COG3: variants seen among roughly 807,000 people sequenced by gnomAD.
The protein encoded by COG3 is component of oligomeric golgi complex 3.
COG3 carries 32 observed loss-of-function variants against 114.1 expected under a neutral mutation model. The ratio of observed to expected loss-of-function variants is 0.28; its 90% CI spans 0.21 to 0.38. The LOEUF (loss-of-function observed/expected upper bound fraction) is 0.38, where lower values mean the gene tolerates loss of function less well. Ranked by LOEUF, COG3 falls within the 10% of genes least tolerant of loss-of-function variation. The pLI is 1.00. For synonymous variants in COG3, 352 were observed against 365.7 expected, an observed-to-expected ratio of 0.96 and a Z score of 0.43; for missense variants, 813 against 973.2, an observed-to-expected ratio of 0.84 and a Z score of 2.19.
chr13:45,518,969 G>C lies in COG3; in HGVS notation c.2029G>C (p.Glu677Gln). 6.2e-7 allele frequency: 1 copy of C among 1,614,076 alleles called. No individual in the cohort carries two copies. The highest frequency in any genetic ancestry group is 8.5e-7 in the Non-Finnish European group (1 of 1,179,970). The change falls in exon 19 of 23, where the codon GAG becomes CAG. Residue 677 changes from glutamate to glutamine, a missense_variant. Transcript: ENST00000349995. ...LIEFLLEGTP[E>Q]IREHYLDSKK... ...TTATCTTCTTTTTAAGGGTACTCCT[G>C]AGATAAGAGAACATTATCTTGACTC... is the stretch of plus-strand genomic sequence containing the variant.
In COG3 at chr13:45,529,800, A is replaced by G. The variant is rs2274285; in HGVS notation, c.2240A>G (p.Asn747Ser). 0.75 allele frequency: 1,200,034 copies of G among 1,608,056 alleles called. 451,588 individuals are homozygous for G. Among genetic ancestry groups the G allele is most frequent in the Admixed American group, 0.84 (50,392 of 59,728 alleles). ...GTTACTTTATTTCCAGCAAAGGTCA[A>G]TGACCTTGCGGCAACTGCATATAAG... The part of the protein sequence containing the change: ...QQPWAQPAKV[N>S]DLAATAYKTI... Residue 747 changes from asparagine (N) to serine (S), a missense_variant, in exon 21 of 23, where the codon AAT (asparagine) becomes AGT (serine). This residue lies in a region of COG3 where 389 missense variants were observed against 542.6 expected (regional missense o/e 0.72). Transcript: ENST00000349995.
chr13:45,505,616 C>CT (rs1298976415), intron 14 of COG3, among the ~76,000 whole-genome samples: 1 of 149,972 alleles, frequency 6.7e-6, no homozygotes, highest in Non-Finnish European at 1.5e-5. Flanking sequence ...ATCCTGCTTT[C>CT]TTTTTACTTT....
Position 45,483,149 on chromosome 13 carries a change from G to T in COG3, c.718-81G>T, listed in dbSNP as rs1047514388. 13 of 983,634 alleles carry T rather than the reference G, an allele frequency of 1.3e-5. No individual in the cohort carries two copies. The African/African-American group carries it at 2.0e-4, about 15-fold the overall frequency. The allele number at this position is 983,634 out of a possible 1,614,324, so 60.9% of individuals were successfully genotyped here. A position where few individuals can be genotyped will look rare whatever the true frequency, so the allele number is the denominator to read the frequency against. ...TGAACTTTATATATTGCTTTACATA[G>T]GGACACCTTGGTTTTCACTAAAAGC... On this transcript the variant is annotated intron_variant, in intron 6 of 22. Transcript: ENST00000349995.
chr13:45,473,697 C>T (rs1050096290), intron 1 of COG3, among the ~76,000 whole-genome samples: 17 of 152,192 alleles, frequency 1.1e-4, no homozygotes, highest in Non-Finnish European at 2.1e-4. Context: ...AAGTGCTTTA[C>T]ATGCAGCATT....
intron 19 of COG3, among the ~76,000 whole-genome samples, chr13:45,523,700 G>A (rs549353898): frequency 1.3e-5 from 2 of 152,290 alleles, no homozygotes; most frequent in Non-Finnish European, 2.9e-5. Context: ...AGCAATCAGT[G>A]CAACAGTAGG....
chr13:45,532,391 ATTTAAT>A (rs1197038079), intron 22 of COG3, among the ~76,000 whole-genome samples: 5 of 151,374 alleles, frequency 3.3e-5, no homozygotes, highest in Non-Finnish European at 7.4e-5. Flanking sequence ...TTCTATTTTG[ATTTAAT>A]TTTGTTTCTT....
chr13:45,471,444 TC>T (rs986154661), intron 1 of COG3, among the ~76,000 whole-genome samples: 5 of 152,062 alleles, frequency 3.3e-5, no homozygotes, highest in African/African-American at 1.2e-4. Flanking sequence ...ACAGTATTCT[TC>T]CATTTCTTCC....
chr13:45,518,203 A>G (rs935244819), intron 17 of COG3, among the ~76,000 whole-genome samples: 16 of 152,202 alleles, frequency 1.1e-4, no homozygotes, highest in African/African-American at 3.9e-4. Flanking sequence ...AATACTTGCT[A>G]TCTTTACTTT....
intron 2 of COG3, 69 bp downstream of exon 2, chr13:45,476,416 C>A: frequency 1.4e-6 from 2 of 1,461,214 alleles, no homozygotes; most frequent in East Asian, 2.3e-5. Context: ...CTAATAAAGT[C>A]CTAATTAAAA....
chr13:45,530,625 T>C, intron 21 of COG3, 57 bp from the exon 22 acceptor site: 1 of 1,012,068 alleles, frequency 9.9e-7, no homozygotes, highest in East Asian at 2.4e-5. Flanking sequence ...TTAACATTCA[T>C]GGTGCTTCGT....
intron 16 of COG3, among the ~76,000 whole-genome samples, chr13:45,512,976 A>T (rs1428064500): frequency 1.9e-5 from 2 of 105,014 alleles, no homozygotes; most frequent in African/African-American, 3.6e-5. Context: ...TGCTTCTCCC[A>T]CAGACCCTGA....
chr13:45,478,750 A>G (rs1314415193), intron 2 of COG3, among the ~76,000 whole-genome samples: 1 of 152,196 alleles, frequency 6.6e-6, no homozygotes, highest in African/African-American at 2.4e-5. Context: ...CGGCCTCCCA[A>G]AGTGCTGGGA....
chr13:45,524,070 G>C (rs1319826649), intron 19 of COG3, among the ~76,000 whole-genome samples: 1 of 152,080 alleles, frequency 6.6e-6, no homozygotes, highest in African/African-American at 2.4e-5. Flanking sequence ...TAGAAATAAA[G>C]GGGAGGCTGA....
At chr13:45,525,203 G>T (rs1429726395) in intron 20 of COG3, 152 bp downstream of exon 20, 2 of 560,342 alleles carry the variant, frequency 3.6e-6, no homozygotes, top group Non-Finnish European at 6.2e-6. Context: ...GAGCTGACAG[G>T]TCTTAATTGG....
intron 19 of COG3, among the ~76,000 whole-genome samples, chr13:45,520,678 G>A (rs2985982): frequency 0.75 from 113,999 of 152,162 alleles, 43,571 homozygotes; most frequent in Admixed American, 0.83. Context: ...ATTTTATTCC[G>A]AGTATTTGCA....
rs1176539929 is a variant in COG3 at position 45,465,109 on chromosome 13, T to C, written c.73T>C (p.Trp25Arg). ...ERDAREKLAL[W>R]DRRPDTTAPL... ...GGACGCTAGGGAAAAGCTGGCTCTC[T>C]GGGATCGGAGACCGGACACGACGGC... Residue 25 changes from tryptophan (W) to arginine (R), a missense_variant, in exon 1 of 23, where the codon TGG (tryptophan) becomes CGG (arginine). Trp to Arg is a moderately radical substitution (Grantham distance 101). Coordinates refer to ENST00000349995, the MANE Select transcript of COG3 (RefSeq NM_031431.4). 1.2e-6 allele frequency: 2 copies of C among 1,612,824 alleles called. No individual in the cohort carries two copies. Among genetic ancestry groups the C allele is most frequent in the South Asian group, 2.2e-5 (2 of 91,050 alleles).
At position 45,465,179 on chromosome 13, in the gene COG3, C is replaced by A; in HGVS notation, c.143C>A (p.Ala48Glu). 2 of 1,613,652 alleles carry A rather than the reference C, an allele frequency of 1.2e-6. No homozygotes were observed. The highest frequency in any genetic ancestry group is 1.7e-6 in the Non-Finnish European group (2 of 1,179,886). ...ACGGACTCGGTATTGGAGCTGAAGG[C>A]GGCGGCAGAGAACTTGCCGGTGCCA... ...RQTDSVLELKAAAENLPVPAE... is the reference protein window; with the variant it reads ...RQTDSVLELKEAAENLPVPAE... Residue 48 changes from alanine to glutamate, a missense_variant, in exon 1 of 23, where the codon GCG (alanine) becomes GAG (glutamate). Physicochemically the swap from Ala to Glu is moderately radical, Grantham distance 107. Coordinates refer to ENST00000349995, the MANE Select transcript of COG3 (RefSeq NM_031431.4).
At chr13:45,514,642 G>A (rs1463178330) in intron 16 of COG3, among the ~76,000 whole-genome samples, 1 of 151,892 alleles carries the variant, frequency 6.6e-6, no homozygotes, top group African/African-American at 2.4e-5. Context: ...GGTTGAGCTT[G>A]TGTACTTTTT....
At chr13:45,502,554 T>G (rs913118010) in intron 13 of COG3, among the ~76,000 whole-genome samples, 14 of 152,216 alleles carry the variant, frequency 9.2e-5, no homozygotes, top group African/African-American at 3.4e-4. Flanking sequence ...CTTTCCAATT[T>G]CTGCACGTGG....
Sources: gnomAD v4.1 joint callset for allele counts (sites outside exome capture counted in the v4.1 genomes callset) on GRCh38, gnomAD v4.1.1 for gene constraint, gnomAD v4.1.1 regional missense constraint, MANE v1.5 for transcripts, NCBI Gene and HGNC (gene_info 2026-07-23, HGNC 2026-07-21) for gene names.